NBEA: variants seen among roughly 807,000 people sequenced by gnomAD.
NBEA encodes the protein lysosomal-trafficking regulator 2.
In NBEA, 44 loss-of-function variants were observed where a neutral mutation model predicts 343.4. The ratio of observed to expected loss-of-function variants is 0.13; its 90% CI spans 0.10 to 0.16. The LOEUF (loss-of-function observed/expected upper bound fraction) is 0.16, where lower values mean the gene tolerates loss of function less well. Ranked by LOEUF, NBEA falls within the 10% of genes least tolerant of loss-of-function variation. The pLI is 1.00. For synonymous variants in NBEA, 1,175 were observed against 1,238.7 expected, an observed-to-expected ratio of 0.95 and a Z score of 1.08; for missense variants, 2,555 against 3,631.3, an observed-to-expected ratio of 0.70 and a Z score of 7.62.
intron 55 of NBEA, among the ~76,000 whole-genome samples, chr13:35,664,228 T>C (rs1281585482): frequency 1.3e-5 from 2 of 151,832 alleles, no homozygotes; most frequent in Non-Finnish European, 2.9e-5. Context: ...ACATTTAACT[T>C]CCCCCAACCC....
chr13:35,627,809 G>A (rs2083292621), intron 48 of NBEA, among the ~76,000 whole-genome samples: 1 of 151,950 alleles, frequency 6.6e-6, no homozygotes, highest in Admixed American at 6.6e-5. Context: ...ATCATATTAT[G>A]TACCTAATGG....
chr13:35,480,374 T>A (rs931572621), intron 41 of NBEA, among the ~76,000 whole-genome samples: 1 of 152,060 alleles, frequency 6.6e-6, no homozygotes, highest in Non-Finnish European at 1.5e-5. Flanking sequence ...TGATTTAAAT[T>A]TGAATTGCAT....
chr13:35,585,196 ACAGT>A (rs1379115622), intron 46 of NBEA, among the ~76,000 whole-genome samples: 2 of 141,042 alleles, frequency 1.4e-5, no homozygotes, highest in Non-Finnish European at 3.0e-5. Context: ...CTCTCCCTGC[ACAGT>A]CAGATTCCTG....
At chr13:35,202,616 T>C (rs776677957) in intron 31 of NBEA, among the ~76,000 whole-genome samples, 1 of 152,284 alleles carries the variant, frequency 6.6e-6, no homozygotes, top group Non-Finnish European at 1.5e-5. Flanking sequence ...CCTATCCTTA[T>C]ACCACTTTTC....
At chr13:35,126,682 G>C (rs140883025) in intron 17 of NBEA, among the ~76,000 whole-genome samples, 1 of 152,094 alleles carries the variant, frequency 6.6e-6, no homozygotes, top group African/African-American at 2.4e-5. Context: ...ACTTTGGGAG[G>C]CCGAGGTGGG....
At chr13:35,027,395 T>G (rs2062052107) in intron 1 of NBEA, among the ~76,000 whole-genome samples, 1 of 151,962 alleles carries the variant, frequency 6.6e-6, no homozygotes, top group African/African-American at 2.4e-5. Context: ...TTTTTTTTTT[T>G]GCATCCACAC....
Position 35,665,209 on chromosome 13 carries a change from T to C in NBEA, c.8464+23T>C. 3 of 1,533,232 alleles carry C rather than the reference T, an allele frequency of 2.0e-6. No individual in the cohort carries two copies. In the South Asian group the frequency reaches 3.6e-5, roughly 18 times the overall value. 95.0% of individuals were successfully genotyped at this position (1,533,232 alleles called of 1,614,324 possible). ...AAGGTCAGAAGTCATTTCTTTCATT[T>C]TCAATGTCTAGAAGATGACTGTTTT... On this transcript the variant is annotated intron_variant, in intron 56 of 58. Coordinates refer to ENST00000379939, the MANE Select transcript of NBEA (RefSeq NM_001385012.1).
chr13:35,440,925 G>A (rs963310920), intron 39 of NBEA, among the ~76,000 whole-genome samples: 2 of 152,110 alleles, frequency 1.3e-5, no homozygotes, highest in African/African-American at 2.4e-5. Flanking sequence ...ACAGCCTATC[G>A]TCTGTAAAGA....
Position 35,311,866 on chromosome 13 carries a change from A to C in NBEA, c.5903+2274A>C, listed in dbSNP as rs567512300. Among the ~76,000 whole-genome samples the C allele has an allele frequency of 1.6e-3, 250 of 152,314 alleles. 1 individual carries two copies. The highest frequency in any genetic ancestry group is 5.8e-3 in the African/African-American group (242 of 41,578). On this transcript the variant is annotated intron_variant, in intron 36 of 58. Transcript: ENST00000379939. ...CGAGACTTCGTCCCCCCACCAAAAAAAAAAATTCAACCTATAATAATCTCT... is the reference window on the plus strand; with the variant it reads ...CGAGACTTCGTCCCCCCACCAAAAACAAAAATTCAACCTATAATAATCTCT...
chr13:35,050,552 A>G (rs552349971), intron 6 of NBEA, among the ~76,000 whole-genome samples, 157 bp downstream of exon 6: 1 of 151,414 alleles, frequency 6.6e-6, no homozygotes, highest in Non-Finnish European at 1.5e-5. Context: ...TTTATGTCTA[A>G]TTTTTGTCTT....
intron 41 of NBEA, among the ~76,000 whole-genome samples, chr13:35,484,138 T>C (rs145934335): frequency 1.3e-4 from 20 of 152,038 alleles, no homozygotes; most frequent in Non-Finnish European, 2.6e-4. Flanking sequence ...TACGTCAACT[T>C]TGAATGTCAT....
chr13:34,953,035 A>T (rs1318366685), intron 1 of NBEA, among the ~76,000 whole-genome samples: 1 of 152,192 alleles, frequency 6.6e-6, no homozygotes, highest in Non-Finnish European at 1.5e-5. Flanking sequence ...TTGCTATTTA[A>T]ATACACCATT....
At chr13:35,144,565 G>A (rs909535970) in intron 18 of NBEA, among the ~76,000 whole-genome samples, 4 of 152,144 alleles carry the variant, frequency 2.6e-5, no homozygotes, top group Admixed American at 1.3e-4. Flanking sequence ...CGAAACTGCT[G>A]CCTGGAGTTT....
At chr13:35,626,004 A>G (rs1367084603) in intron 48 of NBEA, among the ~76,000 whole-genome samples, 1 of 152,142 alleles carries the variant, frequency 6.6e-6, no homozygotes, top group Non-Finnish European at 1.5e-5. Flanking sequence ...CAAAAGGGGC[A>G]TTTATCACAG....
intron 36 of NBEA, among the ~76,000 whole-genome samples, chr13:35,309,813 G>A (rs956653460): frequency 6.6e-6 from 1 of 152,120 alleles, no homozygotes; most frequent in African/African-American, 2.4e-5. Context: ...AACCTTATAA[G>A]GTTTGGTGAG....
Position 35,164,386 on chromosome 13 carries a change from C to G in NBEA, c.4110C>G (p.Val1370=), listed in dbSNP as rs2069827817. 1 of 1,586,490 alleles carries G rather than the reference C, an allele frequency of 6.3e-7. No individual in the cohort carries two copies. The highest frequency in any genetic ancestry group is 8.6e-7 in the Non-Finnish European group (1 of 1,164,228). Residue 1370 remains valine, a synonymous_variant, in exon 24 of 59, where the codon GTC becomes GTG. Transcript: ENST00000379939. ...CTACAAAGTCTGTAATGGATTTTGT[C>G]AATAGCAATGAAAATATTATTTTTG... is the stretch of plus-strand genomic sequence containing the variant. ...SHSTKSVMDF[V]NSNENIIFVH... is the part of the protein sequence containing the mutation.
chr13:35,471,568 C>T (rs540774361), intron 40 of NBEA, among the ~76,000 whole-genome samples: 1 of 152,144 alleles, frequency 6.6e-6, no homozygotes, highest in Non-Finnish European at 1.5e-5. Flanking sequence ...TAGGTAATAT[C>T]CCATTTGAAT....
chr13:35,627,992 A>G, intron 48 of NBEA, 89 bp from the exon 49 acceptor site: 2 of 946,616 alleles, frequency 2.1e-6, no homozygotes, highest in East Asian at 2.8e-5. Context: ...TCTCCTTTTT[A>G]TATATATTTC....
At chr13:35,215,243 A>T (rs1388072557) in intron 33 of NBEA, among the ~76,000 whole-genome samples, 2 of 151,764 alleles carry the variant, frequency 1.3e-5, no homozygotes, top group Non-Finnish European at 3.0e-5. Flanking sequence ...GAGACTCTTC[A>T]TCATAATACT....
Sources: allele counts gnomAD v4.1 joint callset (sites outside exome capture counted in the v4.1 genomes callset), GRCh38; gene constraint gnomAD v4.1.1; transcripts MANE v1.5; gene names NCBI Gene and HGNC (gene_info 2026-07-23, HGNC 2026-07-21).